PRMT3: variants seen among roughly 807,000 people sequenced by gnomAD.
PRMT3 encodes protein arginine methyltransferase 3.
PRMT3 carries 62 observed loss-of-function variants against 71.9 expected under a neutral mutation model. The ratio of observed to expected loss-of-function variants is 0.86; its 90% CI spans 0.70 to 1.07. The LOEUF is 1.07. Ranked by LOEUF, PRMT3 falls within the 50% of genes least tolerant of loss-of-function variation. The pLI is 0.00. For synonymous variants in PRMT3, 213 were observed against 220.4 expected, an observed-to-expected ratio of 0.97 and a Z score of 0.30; for missense variants, 663 against 643.0, an observed-to-expected ratio of 1.03 and a Z score of -0.34.
At chr11:20,493,751 ATTACTTCGTTT>A (rs1851265547) in intron 13 of PRMT3, among the ~76,000 whole-genome samples, 157 bp from the exon 14 acceptor site, 1 of 152,108 alleles carries the variant, frequency 6.6e-6, no homozygotes, top group East Asian at 1.9e-4. Flanking sequence ...GCCAAATTAC[ATTACTTCGTTT>A]TTACTTACAA....
At chr11:20,457,359 A>G (rs1850289098) in intron 11 of PRMT3, among the ~76,000 whole-genome samples, 1 of 152,148 alleles carries the variant, frequency 6.6e-6, no homozygotes, top group Non-Finnish European at 1.5e-5. Context: ...ATCATGCATA[A>G]TGGAAAGCAT....
At chr11:20,462,769 C>CA (rs1850415354) in intron 12 of PRMT3, among the ~76,000 whole-genome samples, 1 of 151,334 alleles carries the variant, frequency 6.6e-6, no homozygotes. Flanking sequence ...AACTTTGCAG[C>CA]AAAAAACAAT....
intron 4 of PRMT3, among the ~76,000 whole-genome samples, chr11:20,392,622 GT>G (rs77898172): frequency 0.017 from 2,189 of 127,298 alleles, 27 homozygotes; most frequent in African/African-American, 0.057. Context: ...CAGATACTTT[GT>G]TTTTTTTTTT....
At chr11:20,476,035 T>G (rs979230653) in intron 13 of PRMT3, among the ~76,000 whole-genome samples, 2 of 151,976 alleles carry the variant, frequency 1.3e-5, no homozygotes, top group African/African-American at 2.4e-5. Flanking sequence ...AGTACTTGTC[T>G]ATAAAGCAGG....
At chr11:20,467,324 TAATA>T (rs1215810986) in intron 13 of PRMT3, among the ~76,000 whole-genome samples, 1 of 152,224 alleles carries the variant, frequency 6.6e-6, no homozygotes, top group Non-Finnish European at 1.5e-5. Flanking sequence ...TTAGTTCTCA[TAATA>T]ACCATTTGAG....
At chr11:20,508,223 G>T in intron 15 of PRMT3, 81 bp from the exon 16 acceptor site, 3 of 559,816 alleles carry the variant, frequency 5.4e-6, no homozygotes, top group East Asian at 3.3e-5. Context: ...ACAATAAAAA[G>T]AAGTGCTAGT....
chr11:20,409,825 G>A (rs1385804163), intron 9 of PRMT3, among the ~76,000 whole-genome samples: 3 of 152,038 alleles, frequency 2.0e-5, no homozygotes, highest in Non-Finnish European at 2.9e-5. Flanking sequence ...ACCCTCAATT[G>A]CTTATTCATT....
intron 15 of PRMT3, among the ~76,000 whole-genome samples, chr11:20,503,559 T>C (rs192294193): frequency 3.0e-4 from 46 of 152,258 alleles, no homozygotes; most frequent in Admixed American, 2.6e-3. Context: ...GCTTTGTCAT[T>C]ATATGTTAGT....
intron 10 of PRMT3, among the ~76,000 whole-genome samples, chr11:20,428,231 G>A (rs899405732): frequency 2.0e-5 from 3 of 152,102 alleles, no homozygotes; most frequent in Non-Finnish European, 4.4e-5. Context: ...TTTCTTTAAA[G>A]ACTATGAAAA....
intron 8 of PRMT3, chr11:20,405,568 GA>G (rs1172167682): frequency 6.6e-6 from 1 of 152,036 alleles, no homozygotes; most frequent in East Asian, 1.9e-4. Context: ...TTGCCTCTCT[GA>G]AGCTCACATT....
At chr11:20,482,172 A>T (rs187229547) in intron 13 of PRMT3, among the ~76,000 whole-genome samples, 2 of 152,214 alleles carry the variant, frequency 1.3e-5, no homozygotes, top group African/African-American at 4.8e-5. Context: ...ATGCTGAAAA[A>T]TAATGCTTCT....
chr11:20,484,837 C>CA (rs1274643848), intron 13 of PRMT3, among the ~76,000 whole-genome samples: 2 of 151,412 alleles, frequency 1.3e-5, no homozygotes, highest in Non-Finnish European at 2.9e-5. Context: ...CTACAAATGC[C>CA]AAAAAAAAGT....
chr11:20,477,816 C>T (rs1472327285), intron 13 of PRMT3, among the ~76,000 whole-genome samples: 1 of 108,818 alleles, frequency 9.2e-6, no homozygotes, highest in Admixed American at 9.1e-5. Context: ...CCCCCCCCCA[C>T]TTCCTGTTTT....
intron 13 of PRMT3, among the ~76,000 whole-genome samples, chr11:20,470,585 A>C (rs11025574): frequency 6.6e-6 from 1 of 152,126 alleles, no homozygotes; most frequent in Non-Finnish European, 1.5e-5. Flanking sequence ...TTAGGGCTGC[A>C]TAGTATTCCA....
At position 20,508,595 on chromosome 11, in the gene PRMT3, A is replaced by G; in HGVS notation, c.*182A>G. The G allele has an allele frequency of 1.4e-6, 1 of 693,100 alleles. No individual in the cohort carries two copies. The highest frequency in any genetic ancestry group is 2.7e-6 in the Non-Finnish European group (1 of 377,326). 42.9% of individuals were successfully genotyped at this position (693,100 alleles called of 1,614,324 possible). Reference sequence around the variant, plus strand: ...CATAGTTCAGCTGAGGAAGAGAATCAGCTGATCCTCATGGTCTGCCACGTA... The same window carrying G: ...CATAGTTCAGCTGAGGAAGAGAATCGGCTGATCCTCATGGTCTGCCACGTA... On this transcript the variant is annotated 3_prime_UTR_variant, in exon 16 of 16. Coordinates refer to ENST00000331079, the MANE Select transcript of PRMT3 (RefSeq NM_005788.4).
Position 20,387,979 on chromosome 11 carries a change from G to C in PRMT3, c.29-40G>C, listed in dbSNP as rs760647202. ...GCTCCTCGAGCCCCCGGGCCGCACC[G>C]GTGTCCGAGGCCGATCTGATTGTTG... On this transcript the variant is annotated intron_variant, in intron 1 of 15. Transcript: ENST00000331079. This position sits in a 1 kb window ranked among gnomAD's most constrained non-coding sequence, Gnocchi z 4.3. The C allele has an allele frequency of 6.2e-7, 1 of 1,611,846 alleles. No homozygotes were observed. Among genetic ancestry groups the C allele is most frequent in the Non-Finnish European group, 8.5e-7 (1 of 1,178,874 alleles).
At position 20,395,913 on chromosome 11, in the gene PRMT3, T is replaced by A. The variant is rs763317856; in HGVS notation, c.511T>A (p.Ser171Thr). ...GAAACATATGGAAGCCAGGGCACTG[T>A]CTGCTGAAGCCGCATTGGCCAGAGC... Reference protein sequence around the residue: ...KLKHMEARALSAEAALARARE... With the variant: ...KLKHMEARALTAEAALARARE... The change falls in exon 6 of 16, where the codon TCT becomes ACT. Residue 171 changes from serine (S) to threonine (T), a missense_variant. By Grantham distance (58) the Ser-to-Thr change is moderately conservative. Transcript: ENST00000331079. 1 of 1,614,214 alleles carries A rather than the reference T, an allele frequency of 6.2e-7. No individual in the cohort carries two copies. Among genetic ancestry groups the A allele is most frequent in the Non-Finnish European group, 8.5e-7 (1 of 1,180,036 alleles).
At chr11:20,442,197 TAC>T (rs766816788) in intron 10 of PRMT3, among the ~76,000 whole-genome samples, 7 of 152,210 alleles carry the variant, frequency 4.6e-5, no homozygotes, top group Non-Finnish European at 8.8e-5. Flanking sequence ...ATAAGAAATG[TAC>T]AGTCAAAATA....
chr11:20,388,157 T>C lies in PRMT3; in HGVS notation c.164+3T>C. ...ACCCCCTGCCTGTTCTGTAACAGGT[T>C]CGTCCGCCTCAGCGCCTGGCCTCTG... On this transcript the variant is annotated splice_donor_region_variant and intron_variant, in intron 2 of 15. Transcript: ENST00000331079. 1 of 1,613,810 alleles carries C rather than the reference T, an allele frequency of 6.2e-7. No individual in the cohort carries two copies. Among genetic ancestry groups the C allele is most frequent in the Non-Finnish European group, 8.5e-7 (1 of 1,179,970 alleles).
Sources: allele counts gnomAD v4.1 joint callset (sites outside exome capture counted in the v4.1 genomes callset), GRCh38; gene constraint gnomAD v4.1.1; non-coding constraint Gnocchi (gnomAD v3.1); transcripts MANE v1.5; gene names NCBI Gene and HGNC (gene_info 2026-07-23, HGNC 2026-07-21).